Variants in ME3 observed in about 807,000 individuals in gnomAD.
The protein encoded by ME3 is NADP-dependent malic enzyme, mitochondrial.
In ME3, 48 loss-of-function variants were observed where a neutral mutation model predicts 68.9. That is an observed-to-expected ratio of 0.70 (90% confidence interval 0.55 to 0.89). ME3 has a LOEUF of 0.89. Among genes scored for constraint, ME3 ranks in the 40% least tolerant of loss-of-function variants. The pLI is 0.00. For synonymous variants in ME3, 320 were observed against 318.8 expected, an observed-to-expected ratio of 1.00 and a Z score of -0.04; for missense variants, 675 against 797.4, an observed-to-expected ratio of 0.85 and a Z score of 1.85.
rs1425142370 is a variant in ME3 at position 86,497,840 on chromosome 11, G to C, written c.705+123C>G. 5 of 1,156,248 alleles carry C rather than the reference G, an allele frequency of 4.3e-6. No homozygotes were observed. In the East Asian group the frequency reaches 1.3e-4, roughly 30 times the overall value. 71.6% of individuals were successfully genotyped at this position (1,156,248 alleles called of 1,614,324 possible). ...CTGTGTAGGGGGAATGCCCTGGTCG[G>C]GAGGATGCCAAGAAAGAAATGGCCC... On this transcript the variant is annotated intron_variant, in intron 6 of 14. Coordinates refer to ENST00000543262, the Ensembl canonical transcript of ME3.
intron 7 of ME3, among the ~76,000 whole-genome samples, chr11:86,469,435 C>T (rs1022336330): frequency 6.6e-6 from 1 of 152,136 alleles, no homozygotes; most frequent in African/African-American, 2.4e-5. Context: ...CAGCCACCCT[C>T]CAGGTCATAC....
chr11:86,547,657 C>G (rs1305888291), intron 4 of ME3, among the ~76,000 whole-genome samples: 1 of 151,852 alleles, frequency 6.6e-6, no homozygotes, highest in Non-Finnish European at 1.5e-5. Context: ...TAATTCAAAA[C>G]CAAAAACAAA....
At chr11:86,604,308 C>T (rs972793691) in intron 2 of ME3, among the ~76,000 whole-genome samples, 8 of 151,830 alleles carry the variant, frequency 5.3e-5, no homozygotes, top group Non-Finnish European at 7.4e-5. Flanking sequence ...CATTTCCTGT[C>T]GGGTCATGAA....
chr11:86,583,468 A>G (rs1958558997), intron 2 of ME3, among the ~76,000 whole-genome samples: 1 of 152,214 alleles, frequency 6.6e-6, no homozygotes, highest in Non-Finnish European at 1.5e-5. Context: ...ACTTTGTATA[A>G]TGAAGTATGT....
rs538448603 is a variant in ME3 at position 86,585,107 on chromosome 11, G to A, written c.184-25284C>T. 1.3e-5 allele frequency among the ~76,000 whole-genome samples: 2 copies of A among 151,894 alleles called. 1 individual carries two copies. The highest frequency in any genetic ancestry group is 4.1e-4 in the South Asian group (2 of 4,820). The stretch of plus-strand genomic sequence containing the variant: ...CACCACGTTCAAGGCTTGGAAAAGG[G>A]AAGGTGCACAGACAGGACCAAGACT... On this transcript the variant is annotated intron_variant, in intron 2 of 14. Transcript: ENST00000543262.
At chr11:86,556,046 CTG>C (rs2139440519) in intron 4 of ME3, among the ~76,000 whole-genome samples, 1 of 152,170 alleles carries the variant, frequency 6.6e-6, no homozygotes, top group African/African-American at 2.4e-5. Flanking sequence ...TTCTTTGGCT[CTG>C]AGAGAAAATG....
intron 7 of ME3, 141 bp downstream of exon 7, chr11:86,487,196 G>T: frequency 3.0e-6 from 2 of 675,322 alleles, no homozygotes; most frequent in South Asian, 1.8e-5. Flanking sequence ...CACTCCTAGG[G>T]GTCAAGTTGG....
chr11:86,643,352 A>G (rs1383857711), intron 2 of ME3, among the ~76,000 whole-genome samples: 2 of 151,518 alleles, frequency 1.3e-5, no homozygotes, highest in Admixed American at 1.3e-4. Flanking sequence ...CCTTCCACAC[A>G]CTCTGTCCTC....
intron 7 of ME3, among the ~76,000 whole-genome samples, chr11:86,477,841 C>T (rs1347015187): frequency 6.6e-6 from 1 of 152,078 alleles, no homozygotes; most frequent in Non-Finnish European, 1.5e-5. Flanking sequence ...TTGATAGTCT[C>T]CTAGCCTGTG....
chr11:86,661,932 A>G (rs1946311268), intron 2 of ME3, among the ~76,000 whole-genome samples: 1 of 152,168 alleles, frequency 6.6e-6, no homozygotes, highest in African/African-American at 2.4e-5. Flanking sequence ...AACTCAGAAA[A>G]TGACTATTGA....
intron 2 of ME3, among the ~76,000 whole-genome samples, chr11:86,617,281 C>T (rs1943042786): frequency 6.6e-6 from 1 of 151,660 alleles, no homozygotes; most frequent in African/African-American, 2.4e-5. Flanking sequence ...TTATTCCTGG[C>T]ACAAGGTAAG....
chr11:86,662,435 A>T (rs977386884), intron 2 of ME3, among the ~76,000 whole-genome samples: 1 of 149,978 alleles, frequency 6.7e-6, no homozygotes, highest in South Asian at 2.1e-4. Flanking sequence ...CAGAAAATTA[A>T]TTTTTTTTTT....
rs751475536 is a variant in ME3, at chr11:86,447,032, C to G, written c.1380+33G>C. On this transcript the variant is annotated intron_variant, in intron 12 of 14. Transcript: ENST00000543262. ...CTCATTGTAATTGTTACTATGTCCT[C>G]TCAGCCGGGGGAAGGAAGGACTCCC... 4 of 1,608,978 alleles carry G rather than the reference C, an allele frequency of 2.5e-6. No homozygotes were observed. In the Admixed American group the frequency reaches 6.7e-5, roughly 27 times the overall value.
In ME3 at chr11:86,442,981, AACCCGTT is replaced by A. The variant is rs1255331537; in HGVS notation, c.1555-69_1555-63del. ...GTCTCTGCCTTCCCAAAACAAGCCC[AACCCGTT>A]ACCCCAGAGACTCACCCCACCCTGC... On this transcript the variant is annotated intron_variant, in intron 13 of 14. Transcript: ENST00000543262. 4 of 1,365,224 alleles carry A rather than the reference AACCCGTT, an allele frequency of 2.9e-6. No individual in the cohort carries two copies. In the African/African-American group the frequency reaches 5.7e-5, roughly 20 times the overall value. The allele number at this position is 1,365,224 out of a possible 1,614,324, so 84.6% of individuals were successfully genotyped here. A position where few individuals can be genotyped will look rare whatever the true frequency, so the allele number is the denominator to read the frequency against.
chr11:86,512,361 A>C (rs1330966275), intron 4 of ME3, among the ~76,000 whole-genome samples: 1 of 152,252 alleles, frequency 6.6e-6, no homozygotes, highest in African/African-American at 2.4e-5. Flanking sequence ...TTTGATTAAT[A>C]ATCCCCATCG....
chr11:86,653,054 G>A (rs1325183588), intron 2 of ME3, among the ~76,000 whole-genome samples: 11 of 152,000 alleles, frequency 7.2e-5, no homozygotes, highest in African/African-American at 2.4e-4. Flanking sequence ...ACTATCCTAA[G>A]TATATATGCA....
At chr11:86,497,921 C>T (rs986921594) in intron 6 of ME3, 42 bp downstream of exon 6, 1 of 1,538,904 alleles carries the variant, frequency 6.5e-7, no homozygotes. Flanking sequence ...TCCCAGTTGC[C>T]ACCTTTTGGC....
rs141512025 is a variant in ME3 at position 86,488,620 on chromosome 11, G to A, written c.706-1180C>T. ...TATTGGGTTATCTGTGTGTGCGTTGGTGTGAATGACCACTCCTGCTGGCCA... is the reference window on the plus strand; with the variant it reads ...TATTGGGTTATCTGTGTGTGCGTTGATGTGAATGACCACTCCTGCTGGCCA... On this transcript the variant is annotated intron_variant, in intron 6 of 14. Transcript: ENST00000543262. 9.9e-5 allele frequency among the ~76,000 whole-genome samples: 15 copies of A among 152,258 alleles called. No individual in the cohort carries two copies. In the East Asian group the frequency reaches 2.7e-3, roughly 27 times the overall value.
chr11:86,590,225 A>G (rs1958979261), intron 2 of ME3, among the ~76,000 whole-genome samples: 1 of 152,198 alleles, frequency 6.6e-6, no homozygotes, highest in South Asian at 2.1e-4. Flanking sequence ...GACTTCATCT[A>G]TCTACTTACG....
Sources: gnomAD v4.1 joint callset for allele counts (sites outside exome capture counted in the v4.1 genomes callset) on GRCh38, gnomAD v4.1.1 for gene constraint, MANE v1.5 for transcripts, NCBI Gene and HGNC (gene_info 2026-07-23, HGNC 2026-07-21) for gene names.